Variants in PTPRK observed in about 807,000 individuals in gnomAD.
PTPRK encodes protein tyrosine phosphatase receptor type K.
Under a neutral mutation model 178.0 loss-of-function variants are expected in PTPRK, and 75 were observed. The observed-to-expected ratio is 0.42, with a 90% CI of 0.35 to 0.51. The LOEUF is 0.51. Among genes scored for constraint, PTPRK ranks in the 20% least tolerant of loss-of-function variants. The probability of loss-of-function intolerance (pLI) is 0.02; values close to 1 mark genes in which losing one functional copy is unlikely to be tolerated. For synonymous variants in PTPRK, 637 were observed against 620.6 expected (o/e 1.03, Z -0.39); for missense variants, 1,441 against 1,797.8 (o/e 0.80, Z 3.59).
chr6:128,000,609 G>A (rs577279250), intron 15 of PTPRK, among the ~76,000 whole-genome samples: 1 of 152,000 alleles, frequency 6.6e-6, no homozygotes, highest in East Asian at 1.9e-4. Flanking sequence ...CTCACTATGC[G>A]ACCAAAGTCA....
At chr6:128,049,955 G>A (rs987344972) in intron 13 of PTPRK, among the ~76,000 whole-genome samples, 3 of 152,084 alleles carry the variant, frequency 2.0e-5, no homozygotes, top group Admixed American at 6.6e-5. Flanking sequence ...TGACCAACCC[G>A]GAGAAACGCC....
intron 1 of PTPRK, among the ~76,000 whole-genome samples, chr6:128,500,367 G>C (rs533660510): frequency 1.8e-4 from 27 of 152,150 alleles, no homozygotes; most frequent in Non-Finnish European, 2.2e-4. Flanking sequence ...AAAATTTGGG[G>C]GGGGGAGTCT....
intron 7 of PTPRK, among the ~76,000 whole-genome samples, chr6:128,146,813 A>C (rs1562671289): frequency 6.6e-6 from 1 of 152,164 alleles, no homozygotes; most frequent in Non-Finnish European, 1.5e-5. Flanking sequence ...TGCAAATATC[A>C]CATAAGACAC....
chr6:128,080,545 T>A (rs1784635536), intron 10 of PTPRK, among the ~76,000 whole-genome samples: 1 of 151,840 alleles, frequency 6.6e-6, no homozygotes, highest in Admixed American at 6.6e-5. Flanking sequence ...ATCTGAGAGT[T>A]TTTTAGGAAG....
intron 1 of PTPRK, chr6:128,518,962 CAG>C (rs1858511964): frequency 5.7e-5 from 27 of 477,750 alleles, no homozygotes; most frequent in South Asian, 4.2e-4. Context: ...TTCCAGGAAA[CAG>C]GGCCTCCACA....
intron 6 of PTPRK, among the ~76,000 whole-genome samples, chr6:128,207,456 T>C (rs1054448166): frequency 6.6e-6 from 1 of 152,172 alleles, no homozygotes; most frequent in Non-Finnish European, 1.5e-5. Context: ...TTTAGGAAAA[T>C]GCACTCATTT....
At chr6:128,056,657 C>A (rs565504698) in intron 13 of PTPRK, among the ~76,000 whole-genome samples, 1 of 152,196 alleles carries the variant, frequency 6.6e-6, no homozygotes, top group South Asian at 2.1e-4. Flanking sequence ...AAGTCCTGAC[C>A]TTGTGATACA....
At chr6:128,302,020 C>T (rs1024378966) in intron 3 of PTPRK, among the ~76,000 whole-genome samples, 2 of 151,862 alleles carry the variant, frequency 1.3e-5, no homozygotes, top group African/African-American at 2.4e-5. Context: ...CTTAAGTTCC[C>T]GAGACTAAAT....
At chr6:128,156,055 T>G (rs1797896919) in intron 7 of PTPRK, among the ~76,000 whole-genome samples, 1 of 151,930 alleles carries the variant, frequency 6.6e-6, no homozygotes, top group African/African-American at 2.4e-5. Flanking sequence ...ATTGCAAGTT[T>G]CTTACAACTT....
rs111244735 is a variant in PTPRK, at chr6:128,100,982, G to A, written c.1163-10990C>T. Among the ~76,000 whole-genome samples the A allele has an allele frequency of 8.0e-3, 1,211 of 151,978 alleles. 10 individuals are homozygous for A. The highest frequency in any genetic ancestry group is 0.012 in the Non-Finnish European group (802 of 67,850). ...ATTTTCAAAGGGTTCCATTCCACAG[G>A]AAATCACAAAATGTTAACAACACAT... On this transcript the variant is annotated intron_variant, in intron 7 of 29. Transcript: ENST00000368226.
At chr6:128,408,402 A>G (rs1841946699) in intron 1 of PTPRK, among the ~76,000 whole-genome samples, 1 of 151,984 alleles carries the variant, frequency 6.6e-6, no homozygotes, top group South Asian at 2.1e-4. Context: ...ACAAACAAAC[A>G]AAAACTACCC....
intron 13 of PTPRK, among the ~76,000 whole-genome samples, chr6:128,018,092 A>T (rs970509759): frequency 6.6e-6 from 1 of 151,830 alleles, no homozygotes; most frequent in African/African-American, 2.4e-5. Context: ...TTGTATTGCA[A>T]ATATTTCTCA....
At chr6:128,463,899 C>G (rs371106710) in intron 1 of PTPRK, among the ~76,000 whole-genome samples, 1 of 151,660 alleles carries the variant, frequency 6.6e-6, no homozygotes, top group African/African-American at 2.4e-5. Flanking sequence ...TTACAGGTGC[C>G]TGCCACCACA....
chr6:128,146,718 G>A (rs138823339), intron 7 of PTPRK, among the ~76,000 whole-genome samples: 1,698 of 151,892 alleles, frequency 0.011, 26 homozygotes, highest in African/African-American at 0.031. Flanking sequence ...ATGAGCCACC[G>A]TGCCCAGCCT....
intron 7 of PTPRK, among the ~76,000 whole-genome samples, chr6:128,135,006 C>A (rs1406153268): frequency 6.6e-6 from 1 of 151,430 alleles, no homozygotes; most frequent in Non-Finnish European, 1.5e-5. Flanking sequence ...CAAGAATTTC[C>A]GGCACGCCCT....
At chr6:128,171,707 T>C (rs1270288777) in intron 7 of PTPRK, among the ~76,000 whole-genome samples, 1 of 151,990 alleles carries the variant, frequency 6.6e-6, no homozygotes, top group African/African-American at 2.4e-5. Flanking sequence ...CTTCTGATGA[T>C]TTGTATATTA....
chr6:128,112,982 G>C (rs1441666591), intron 7 of PTPRK, among the ~76,000 whole-genome samples: 1 of 151,996 alleles, frequency 6.6e-6, no homozygotes, highest in African/African-American at 2.4e-5. Flanking sequence ...GAGTCATCCT[G>C]CATATGATAG....
In PTPRK at chr6:128,418,071, CA is replaced by C. The variant is rs546859484; in HGVS notation, c.101-20384del. On this transcript the variant is annotated intron_variant, in intron 1 of 29. Coordinates refer to ENST00000368226, the MANE Select transcript of PTPRK (RefSeq NM_002844.4). ...CATTCTATTAGACACTGTATCTCGT[CA>C]AAAAAAATTGATATGTATTTTTGCC... Among the ~76,000 whole-genome samples the C allele has an allele frequency of 5.3e-5, 8 of 151,878 alleles. No individual in the cohort carries two copies. The East Asian group carries it at 5.8e-4, about 11-fold the overall frequency.
intron 13 of PTPRK, among the ~76,000 whole-genome samples, chr6:128,025,898 C>T (rs1016898045): frequency 6.6e-6 from 1 of 152,290 alleles, no homozygotes; most frequent in Non-Finnish European, 1.5e-5. Flanking sequence ...TCTACCTTGT[C>T]AAGATCCTTT....
Sources: gnomAD v4.1 joint callset for allele counts (sites outside exome capture counted in the v4.1 genomes callset) on GRCh38, gnomAD v4.1.1 for gene constraint, MANE v1.5 for transcripts, NCBI Gene and HGNC (gene_info 2026-07-23, HGNC 2026-07-21) for gene names.